Variants in FOXP1 observed in about 807,000 individuals in gnomAD.
The protein encoded by FOXP1 is forkhead box P1, also known as forkhead box protein P1.
Under a neutral mutation model 98.2 loss-of-function variants are expected in FOXP1, and 15 were observed. The ratio of observed to expected loss-of-function variants is 0.15; its 90% CI spans 0.10 to 0.24. FOXP1 has a LOEUF of 0.24. FOXP1 is among the 10% of genes least tolerant of loss of function. The pLI is 1.00. For missense variants in FOXP1, 633 were observed against 848.5 expected (o/e 0.75, Z 3.15); for synonymous variants, 371 against 314.5 (o/e 1.18, Z -1.90).
rs554193129 is a variant in FOXP1, at chr3:71,313,336, G to A, written c.-72-13456C>T. On this transcript the variant is annotated intron_variant, in intron 4 of 20. Coordinates refer to ENST00000649528, the MANE Select transcript of FOXP1 (RefSeq NM_001349338.3). Reference sequence around the variant, plus strand: ...TGCCTCCCAAAGTGCTGGGATTACAGGCGTGAGCCACTGCGCCCGGCCAAG... The same window carrying A: ...TGCCTCCCAAAGTGCTGGGATTACAAGCGTGAGCCACTGCGCCCGGCCAAG... Among the ~76,000 whole-genome samples, 6 of 152,058 alleles carry A rather than the reference G, an allele frequency of 3.9e-5. No homozygotes were observed. In the South Asian group the frequency reaches 6.2e-4, roughly 16 times the overall value.
chr3:71,190,580 G>A (rs1228939578), intron 6 of FOXP1, among the ~76,000 whole-genome samples: 2 of 132,290 alleles, frequency 1.5e-5, no homozygotes, highest in East Asian at 4.9e-4. Flanking sequence ...TGTAAGCCAT[G>A]ATCGCAACCC....
At chr3:71,223,039 T>C (rs2065522684) in intron 5 of FOXP1, among the ~76,000 whole-genome samples, 6 of 152,202 alleles carry the variant, frequency 3.9e-5, no homozygotes, top group Admixed American at 3.3e-4. Context: ...GCTGTCATCA[T>C]CTTTCTCCTG....
intron 20 of FOXP1, among the ~76,000 whole-genome samples, chr3:70,962,502 TAGC>T (rs1309129509): frequency 6.6e-6 from 1 of 152,360 alleles, no homozygotes; most frequent in African/African-American, 2.4e-5. Flanking sequence ...TTTTGTTGCT[TAGC>T]AGGTACAAGG....
intron 4 of FOXP1, among the ~76,000 whole-genome samples, chr3:71,356,004 C>T (rs2078128359): frequency 6.6e-6 from 1 of 151,956 alleles, no homozygotes; most frequent in Admixed American, 6.6e-5. Flanking sequence ...CTTTGAGGGC[C>T]ATTCCCAAGA....
At chr3:71,128,076 T>G (rs1413510137) in intron 6 of FOXP1, among the ~76,000 whole-genome samples, 1 of 152,166 alleles carries the variant, frequency 6.6e-6, no homozygotes, top group Non-Finnish European at 1.5e-5. Context: ...TCCAAAACAG[T>G]ATAGGCAATG....
At chr3:71,215,550 A>G (rs989613741) in intron 5 of FOXP1, among the ~76,000 whole-genome samples, 12 of 152,246 alleles carry the variant, frequency 7.9e-5, no homozygotes, top group African/African-American at 2.9e-4. Context: ...GATTATTACT[A>G]GCTCATAAAA....
At chr3:71,194,875 G>A (rs2063208561) in intron 6 of FOXP1, among the ~76,000 whole-genome samples, 1 of 152,226 alleles carries the variant, frequency 6.6e-6, no homozygotes, top group East Asian at 1.9e-4. Flanking sequence ...TCTTGAGGAA[G>A]AAAGACAGTT....
intron 3 of FOXP1, among the ~76,000 whole-genome samples, chr3:71,387,660 A>G (rs2080694815): frequency 2.0e-5 from 3 of 152,234 alleles, no homozygotes; most frequent in Non-Finnish European, 4.4e-5. Context: ...ATGCATAACA[A>G]TTCTTAAAAG....
chr3:70,963,793 A>G (rs1340152777), intron 20 of FOXP1, among the ~76,000 whole-genome samples: 1 of 152,214 alleles, frequency 6.6e-6, no homozygotes, highest in Non-Finnish European at 1.5e-5. Flanking sequence ...CCCCAAAGCC[A>G]TAATTATGTG....
intron 6 of FOXP1, among the ~76,000 whole-genome samples, chr3:71,133,864 AC>A (rs1421337758): frequency 2.6e-5 from 4 of 152,302 alleles, no homozygotes; most frequent in African/African-American, 7.2e-5. Flanking sequence ...AAACAAAAAA[AC>A]ACTTTATATG....
chr3:71,015,775 T>C (rs1559726505), intron 11 of FOXP1, 122 bp from the exon 12 acceptor site: 3 of 665,830 alleles, frequency 4.5e-6, no homozygotes, highest in Non-Finnish European at 8.3e-6. Context: ...AAATCTGTGA[T>C]TTCCCCCATC....
intron 2 of FOXP1, among the ~76,000 whole-genome samples, chr3:71,577,784 A>C (rs1205104273): frequency 6.6e-6 from 1 of 152,048 alleles, no homozygotes; most frequent in Non-Finnish European, 1.5e-5. Context: ...AACTACCATC[A>C]ACTTAAAAAA....
At chr3:71,364,960 A>C (rs560286269) in intron 3 of FOXP1, among the ~76,000 whole-genome samples, 1 of 152,350 alleles carries the variant, frequency 6.6e-6, no homozygotes, top group South Asian at 2.1e-4. Flanking sequence ...CTGTAAAGGA[A>C]CACTTAGTGA....
intron 14 of FOXP1, among the ~76,000 whole-genome samples, chr3:70,982,968 GT>G (rs2107423607): frequency 6.6e-6 from 1 of 152,314 alleles, no homozygotes; most frequent in East Asian, 1.9e-4. Context: ...CACAGAACTT[GT>G]TTTTCTGCTC....
At chr3:71,396,999 T>C (rs13100073) in intron 3 of FOXP1, among the ~76,000 whole-genome samples, 4 of 68,286 alleles carry the variant, frequency 5.9e-5, no homozygotes, top group African/African-American at 1.4e-4. Flanking sequence ...TATATACACA[T>C]ATATATGTGT....
rs944345868 is a variant in FOXP1 at position 70,958,966 on chromosome 3, AT to A, written c.*280del. On this transcript the variant is annotated 3_prime_UTR_variant, in exon 21 of 21. Transcript: ENST00000649528. ...TCAGTTTAGCAAATTTACAACACTGATGTTGACGGTTAAGAGAGGAAAATCC... is the reference window on the plus strand; with the variant it reads ...TCAGTTTAGCAAATTTACAACACTGAGTTGACGGTTAAGAGAGGAAAATCC... 5 of 446,862 alleles carry A rather than the reference AT, an allele frequency of 1.1e-5. No homozygotes were observed. Among genetic ancestry groups the A allele is most frequent in the Non-Finnish European group, 2.1e-5 (5 of 240,424 alleles). The allele number at this position is 446,862 out of a possible 1,614,324, so 27.7% of individuals were successfully genotyped here. A position where few individuals can be genotyped will look rare whatever the true frequency, so the allele number is the denominator to read the frequency against.
At position 71,495,852 on chromosome 3, in the gene FOXP1, C is replaced by T. The variant is rs545097018; in HGVS notation, c.-297-2297G>A. 3.9e-5 allele frequency among the ~76,000 whole-genome samples: 6 copies of T among 152,248 alleles called. No individual in the cohort carries two copies. In the South Asian group the frequency reaches 1.2e-3, roughly 32 times the overall value. ...CACTACCTGACCATGCTGGTACTAA[C>T]AATCATGGGCCACATTTTGTAACAG... On this transcript the variant is annotated intron_variant, in intron 2 of 20. Coordinates refer to ENST00000649528, the MANE Select transcript of FOXP1 (RefSeq NM_001349338.3).
intron 11 of FOXP1, among the ~76,000 whole-genome samples, chr3:71,040,080 G>GGTGTGTGT (rs111790256): frequency 6.8e-6 from 1 of 147,830 alleles, no homozygotes; most frequent in African/African-American, 2.5e-5. Flanking sequence ...ACTTGAACAT[G>GGTGTGTGT]GTGTGTGTGT....
At chr3:71,080,876 G>A (rs139021996) in intron 7 of FOXP1, among the ~76,000 whole-genome samples, 3 of 152,314 alleles carry the variant, frequency 2.0e-5, no homozygotes, top group Admixed American at 2.0e-4. Flanking sequence ...TTCTGGCTTA[G>A]CAAGCAGTAG....
Sources: allele counts gnomAD v4.1 joint callset (sites outside exome capture counted in the v4.1 genomes callset), GRCh38; gene constraint gnomAD v4.1.1; transcripts MANE v1.5; gene names NCBI Gene and HGNC (gene_info 2026-07-23, HGNC 2026-07-21).